The following BPIFB6 variants were observed in gnomAD, a reference collection of about 807,000 sequenced individuals.
The protein encoded by BPIFB6 is BPI fold-containing family B member 6.
BPIFB6 carries 47 observed loss-of-function variants against 54.7 expected under a neutral mutation model. That is an observed-to-expected ratio of 0.86 (90% CI 0.68 to 1.10). BPIFB6 has a LOEUF of 1.10. Among genes scored for constraint, BPIFB6 ranks in the 50% least tolerant of loss-of-function variants. BPIFB6 has a pLI of 0.00. For missense variants in BPIFB6, 603 were observed against 564.1 expected (o/e 1.07, Z -0.70); for synonymous variants, 255 against 225.9 (o/e 1.13, Z -1.16).
chr20:33,035,578 G>A, intron 5 of BPIFB6, 34 bp from the exon 6 acceptor site: 1 of 1,611,248 alleles, frequency 6.2e-7, no homozygotes, highest in Non-Finnish European at 8.5e-7. Context: ...TCCATGCAGG[G>A]ACCCTCTCAG....
intron 1 of BPIFB6, among the ~76,000 whole-genome samples, 165 bp downstream of exon 1, chr20:33,031,909 A>G (rs1372810116): frequency 6.6e-6 from 1 of 152,186 alleles, no homozygotes; most frequent in African/African-American, 2.4e-5. Flanking sequence ...GGGAGAAACC[A>G]AGGACCAGAG....
chr20:33,036,830 G>A (rs1979362997), intron 7 of BPIFB6, among the ~76,000 whole-genome samples: 1 of 152,150 alleles, frequency 6.6e-6, no homozygotes, highest in African/African-American at 2.4e-5. Flanking sequence ...TGTCCCCAGT[G>A]AATGGCTGAG....
In BPIFB6 at chr20:33,035,102, C is replaced by T. The variant is rs773371393; in HGVS notation, c.474C>T (p.Asn158=). 2.5e-6 allele frequency: 4 copies of T among 1,613,964 alleles called. No homozygotes were observed. The highest frequency in any genetic ancestry group is 3.4e-6 in the Non-Finnish European group (4 of 1,180,014). Residue 158 remains asparagine, a synonymous_variant, in exon 5 of 15, where the codon AAC becomes AAT. Coordinates refer to ENST00000349552, the MANE Select transcript of BPIFB6 (RefSeq NM_174897.2). ...LPSNMLPKMV[N]KFLDSTLHKV... ...CTAGCATGCTCCCCAAGATGGTCAACAAGTTCCTGGACAGCACCCTGCACA... is the reference window on the plus strand; with the variant it reads ...CTAGCATGCTCCCCAAGATGGTCAATAAGTTCCTGGACAGCACCCTGCACA...
At chr20:33,044,097 AC>A, downstream of BPIFB6, 1 of 1,610,532 alleles carries the variant, frequency 6.2e-7, no homozygotes, top group Non-Finnish European at 8.5e-7. Context: ...AACCACCTGC[AC>A]CCCATGGAGG....
At chr20:33,037,533 CTGAG>C (rs1204092759) in intron 7 of BPIFB6, 25 bp from the exon 8 acceptor site, 1 of 1,584,778 alleles carries the variant, frequency 6.3e-7, no homozygotes, top group Admixed American at 1.8e-5. Flanking sequence ...TCGGCCAAGG[CTGAG>C]TGTCTCCCTC....
intron 12 of BPIFB6, among the ~76,000 whole-genome samples, chr20:33,042,439 C>T (rs1004324115): frequency 2.6e-5 from 4 of 151,978 alleles, no homozygotes; most frequent in African/African-American, 7.3e-5. Flanking sequence ...GGAGCAGGTG[C>T]GATTATAGTT....
rs775932161 is a variant in BPIFB6, at chr20:33,043,970, G to T, written c.1330-45G>T. On this transcript the variant is annotated intron_variant, in intron 14 of 14. Coordinates refer to ENST00000349552, the MANE Select transcript of BPIFB6 (RefSeq NM_174897.2). ...CAGTTCCATTCCATCCCTGGGCCTA[G>T]GTGGTCCCTGGTCATTGCTCTCCTA... 3.1e-6 allele frequency: 5 copies of T among 1,611,792 alleles called. No individual in the cohort carries two copies. In the Admixed American group the frequency reaches 8.3e-5, roughly 27 times the overall value.
chr20:33,042,968 C>A, intron 13 of BPIFB6, 90 bp downstream of exon 13: 2 of 1,217,280 alleles, frequency 1.6e-6, no homozygotes, highest in Non-Finnish European at 2.4e-6. Flanking sequence ...AGCCCTATCA[C>A]TGGGCCCAGA....
chr20:33,036,199 G>T (rs1310548485), intron 6 of BPIFB6, among the ~76,000 whole-genome samples: 1 of 152,174 alleles, frequency 6.6e-6, no homozygotes, highest in African/African-American at 2.4e-5. Context: ...CCAGTCTGTT[G>T]CAAGGTCCAA....
intron 14 of BPIFB6, 78 bp downstream of exon 14, chr20:33,043,445 CA>C: frequency 7.2e-7 from 1 of 1,384,948 alleles, no homozygotes; most frequent in Admixed American, 1.7e-5. Context: ...CTACCTCTCT[CA>C]AACTGGAAAG....
chr20:33,043,487 A>G (rs997839562), intron 14 of BPIFB6, 120 bp downstream of exon 14: 9 of 880,160 alleles, frequency 1.0e-5, no homozygotes, highest in Admixed American at 2.0e-5. Flanking sequence ...GTGGCCATCA[A>G]TATAATCCTG....
At chr20:33,031,940 T>C (rs1979120078) in intron 1 of BPIFB6, among the ~76,000 whole-genome samples, 196 bp downstream of exon 1, 2 of 152,202 alleles carry the variant, frequency 1.3e-5, no homozygotes, top group South Asian at 4.1e-4. Context: ...GATTTTCCCA[T>C]GCTCCCCCTG....
chr20:33,033,016 C>T lies in BPIFB6; in HGVS notation c.130C>T (p.Leu44=), dbSNP rs868458250. The stretch of plus-strand genomic sequence containing the variant: ...GAGCGCCATGGATGAGAGTCATATC[C>T]TGGAGAAGATGGCAGCCGAGGCAGG... The part of the protein sequence containing the change: ...VQSAMDESHI[L]EKMAAEAGKK... Residue 44 remains leucine, a synonymous_variant, in exon 2 of 15, where the codon CTG becomes TTG. Coordinates refer to ENST00000349552, the MANE Select transcript of BPIFB6 (RefSeq NM_174897.2). The T allele has an allele frequency of 3.7e-6, 6 of 1,614,042 alleles. No individual in the cohort carries two copies. The highest frequency in any genetic ancestry group is 5.1e-6 in the Non-Finnish European group (6 of 1,179,956).
At chr20:33,035,963 A>T (rs1172837632) in intron 6 of BPIFB6, among the ~76,000 whole-genome samples, 2 of 152,144 alleles carry the variant, frequency 1.3e-5, no homozygotes, top group Non-Finnish European at 2.9e-5. Flanking sequence ...CCTATGTAGT[A>T]ATCCCGATGG....
In BPIFB6 at chr20:33,039,356, G is replaced by A. The variant is rs1979477359; in HGVS notation, c.910G>A (p.Ala304Thr). The change falls in exon 10 of 15, where the codon GCT becomes ACT. Residue 304 changes from alanine to threonine, a missense_variant. Physicochemically the swap from Ala to Thr is moderately conservative, Grantham distance 58. Transcript: ENST00000349552. Reference sequence around the variant, plus strand: ...GTTCTGGTTTCTGTAGGTGGCTGTAGCTTATCCCAAGTCAAAGCCCTTGAC... The same window carrying A: ...GTTCTGGTTTCTGTAGGTGGCTGTAACTTATCCCAAGTCAAAGCCCTTGAC... ...LARFIPEVAV[A>T]YPKSKPLTTQ... is the part of the protein sequence containing the mutation. 1.9e-6 allele frequency: 3 copies of A among 1,611,418 alleles called. No homozygotes were observed. The highest frequency in any genetic ancestry group is 1.7e-6 in the Non-Finnish European group (2 of 1,179,090).
At chr20:33,038,283 G>A (rs74660928) in intron 8 of BPIFB6, among the ~76,000 whole-genome samples, 234 of 151,988 alleles carry the variant, frequency 1.5e-3, no homozygotes, top group African/African-American at 5.4e-3. Context: ...CCACATGTCC[G>A]TTCATTCCCC....
intron 5 of BPIFB6, among the ~76,000 whole-genome samples, 167 bp downstream of exon 5, chr20:33,035,311 G>A (rs2146364421): frequency 6.6e-6 from 1 of 152,274 alleles, no homozygotes; most frequent in East Asian, 1.9e-4. Flanking sequence ...ATCATCTAGT[G>A]ATGTCTGCCA....
At chr20:33,040,541 C>T (rs6088080) in intron 11 of BPIFB6, among the ~76,000 whole-genome samples, 54,123 of 152,122 alleles carry the variant, frequency 0.36, 10,479 homozygotes, top group East Asian at 0.75. Context: ...AGTTCTTCCA[C>T]CTCTACCCTC....
At chr20:33,036,074 T>C (rs895058684) in intron 6 of BPIFB6, among the ~76,000 whole-genome samples, 4 of 152,168 alleles carry the variant, frequency 2.6e-5, no homozygotes, top group Non-Finnish European at 4.4e-5. Context: ...CCTCAGTGAC[T>C]GGAACTGAAG....
Sources: allele counts gnomAD v4.1 joint callset (sites outside exome capture counted in the v4.1 genomes callset), GRCh38; gene constraint gnomAD v4.1.1; transcripts MANE v1.5; gene names NCBI Gene and HGNC (gene_info 2026-07-23, HGNC 2026-07-21).